Variants in GRID1 observed in about 807,000 individuals in gnomAD.
The protein encoded by GRID1 is glutamate receptor ionotropic, delta-1.
In GRID1, 28 loss-of-function variants were observed where a neutral mutation model predicts 98.0. That is an observed-to-expected ratio of 0.29 (90% CI 0.21 to 0.39). The LOEUF is 0.39. Ranked by LOEUF, GRID1 falls within the 10% of genes least tolerant of loss-of-function variation. The pLI is 1.00. For missense variants in GRID1, 1,111 were observed against 1,340.5 expected (o/e 0.83, Z 2.67); for synonymous variants, 553 against 538.5 (o/e 1.03, Z -0.37).
At chr10:85,655,668 T>C (rs762764458) in intron 12 of GRID1, among the ~76,000 whole-genome samples, 5 of 152,180 alleles carry the variant, frequency 3.3e-5, no homozygotes, top group Non-Finnish European at 7.3e-5. Context: ...CCTCCCACGC[T>C]CTCAGATGAC....
At chr10:85,893,521 A>T (rs1841236071) in intron 5 of GRID1, among the ~76,000 whole-genome samples, 1 of 152,206 alleles carries the variant, frequency 6.6e-6, no homozygotes, top group Non-Finnish European at 1.5e-5. Flanking sequence ...AGAACTAAGA[A>T]GTGAATTTAG....
At chr10:86,263,423 C>T (rs117188727) in intron 2 of GRID1, among the ~76,000 whole-genome samples, 1 of 152,176 alleles carries the variant, frequency 6.6e-6, no homozygotes, top group East Asian at 1.9e-4. Context: ...CCAGGCCCAA[C>T]GGGACGGTTC....
intron 4 of GRID1, among the ~76,000 whole-genome samples, chr10:85,981,374 G>A (rs1172992527): frequency 1.3e-5 from 2 of 152,182 alleles, no homozygotes; most frequent in Admixed American, 6.5e-5. Flanking sequence ...AAAAGCCTTC[G>A]CAGATCATCA....
chr10:86,151,457 C>T (rs1308973645), intron 3 of GRID1, among the ~76,000 whole-genome samples: 2 of 151,834 alleles, frequency 1.3e-5, no homozygotes, highest in East Asian at 1.9e-4. Context: ...TATCTAGTGG[C>T]CACCGCAGGC....
chr10:85,840,766 G>T (rs148800381), intron 8 of GRID1, among the ~76,000 whole-genome samples: 1 of 151,894 alleles, frequency 6.6e-6, no homozygotes, highest in African/African-American at 2.4e-5. Context: ...AAATACCAAG[G>T]AATACAGCTA....
chr10:85,859,090 C>T (rs1843140344), intron 6 of GRID1, among the ~76,000 whole-genome samples: 3 of 152,142 alleles, frequency 2.0e-5, no homozygotes, highest in African/African-American at 7.2e-5. Flanking sequence ...GCAGGCCTTC[C>T]CAATGCCCAC....
At chr10:86,345,049 G>A (rs754732446) in intron 2 of GRID1, among the ~76,000 whole-genome samples, 3 of 152,016 alleles carry the variant, frequency 2.0e-5, no homozygotes, top group Non-Finnish European at 2.9e-5. Flanking sequence ...AGTGGCCCAC[G>A]GCAGTGACCA....
chr10:85,711,407 T>C (rs565544553), intron 12 of GRID1, among the ~76,000 whole-genome samples: 18 of 152,056 alleles, frequency 1.2e-4, no homozygotes, highest in Middle Eastern at 3.4e-3. Context: ...ATGCTATTAA[T>C]ATGAGGTACC....
At chr10:86,132,857 C>A (rs1243385357) in intron 4 of GRID1, among the ~76,000 whole-genome samples, 1 of 152,234 alleles carries the variant, frequency 6.6e-6, no homozygotes, top group Non-Finnish European at 1.5e-5. Flanking sequence ...TCCAGGCACA[C>A]TCCATGCCTG....
chr10:86,120,510 G>A (rs1405688724), intron 4 of GRID1, among the ~76,000 whole-genome samples: 1 of 152,180 alleles, frequency 6.6e-6, no homozygotes, highest in Non-Finnish European at 1.5e-5. Flanking sequence ...TTCAATAAAT[G>A]TTTATTTAAT....
chr10:85,670,882 T>A (rs542849345), intron 12 of GRID1, among the ~76,000 whole-genome samples: 1 of 152,314 alleles, frequency 6.6e-6, no homozygotes, highest in African/African-American at 2.4e-5. Flanking sequence ...GGTTTGCCAC[T>A]CCTCCCTTAA....
chr10:85,724,539 G>C lies in GRID1; in HGVS notation c.1671C>G (p.Leu557=). Residue 557 remains leucine (L), a synonymous_variant, in exon 11 of 16, where the codon CTC becomes CTG. Transcript: ENST00000327946. ...ACACAGCGAAATCAAATGGAGCAAA[G>C]AGGGAGAAGATGCTGATTTTCTCCT... is the stretch of plus-strand genomic sequence containing the variant. ...KPEEKISIFS[L]FAPFDFAVWA... 1.2e-6 allele frequency: 2 copies of C among 1,613,886 alleles called. No homozygotes were observed. The highest frequency in any genetic ancestry group is 2.2e-5 in the South Asian group (2 of 91,080).
At chr10:85,777,099 T>C (rs1344192591) in intron 8 of GRID1, among the ~76,000 whole-genome samples, 4 of 152,212 alleles carry the variant, frequency 2.6e-5, no homozygotes, top group African/African-American at 9.6e-5. Flanking sequence ...CACCTTCCTC[T>C]CTAATTCTCC....
chr10:86,005,847 TG>T (rs1193914571), intron 4 of GRID1, among the ~76,000 whole-genome samples: 18 of 152,332 alleles, frequency 1.2e-4, no homozygotes, highest in African/African-American at 4.3e-4. Context: ...ATCTGGTCTC[TG>T]AAACACTTAA....
chr10:86,366,432 G>T lies in GRID1; in HGVS notation c.-40C>A, dbSNP rs759973224. The T allele has an allele frequency of 2.1e-6, 3 of 1,411,966 alleles. No individual in the cohort carries two copies. Among genetic ancestry groups the T allele is most frequent in the Non-Finnish European group, 2.8e-6 (3 of 1,057,386 alleles). The allele number at this position is 1,411,966 out of a possible 1,614,324, so 87.5% of individuals were successfully genotyped here. A position where few individuals can be genotyped will look rare whatever the true frequency, so the allele number is the denominator to read the frequency against. On this transcript the variant is annotated 5_prime_UTR_variant, in exon 1 of 16. Coordinates refer to ENST00000327946, the MANE Select transcript of GRID1 (RefSeq NM_017551.3). This position sits in a 1 kb window ranked among gnomAD's most constrained non-coding sequence, Gnocchi z 4.1. ...CGGCTCATCCACCCGGGCCCGGGGC[G>T]AGGCCGAGGGCAGCGCGAAGCGGGG...
chr10:86,158,619 T>A (rs1206104811), intron 3 of GRID1, among the ~76,000 whole-genome samples: 1 of 152,070 alleles, frequency 6.6e-6, no homozygotes, highest in Non-Finnish European at 1.5e-5. Flanking sequence ...AAAGAGGCAA[T>A]CTGGGAGGCC....
At chr10:85,959,737 C>A (rs1415341627) in intron 4 of GRID1, among the ~76,000 whole-genome samples, 1 of 152,172 alleles carries the variant, frequency 6.6e-6, no homozygotes, top group Non-Finnish European at 1.5e-5. Flanking sequence ...TGTCTAATTT[C>A]TATTACTGAG....
chr10:85,606,916 AG>A (rs760660098), intron 15 of GRID1: 12 of 152,352 alleles, frequency 7.9e-5, no homozygotes, highest in Non-Finnish European at 1.5e-4. Context: ...GTATTCGGCC[AG>A]GTAATGACAG....
chr10:86,120,147 G>A (rs1482350827), intron 4 of GRID1, among the ~76,000 whole-genome samples: 1 of 152,104 alleles, frequency 6.6e-6, no homozygotes, highest in Admixed American at 6.6e-5. Flanking sequence ...ATGGCATATA[G>A]AGTCCTTCCC....
Sources: gnomAD v4.1 joint callset for allele counts (sites outside exome capture counted in the v4.1 genomes callset) on GRCh38, gnomAD v4.1.1 for gene constraint, Gnocchi (gnomAD v3.1) non-coding constraint, MANE v1.5 for transcripts, NCBI Gene and HGNC (gene_info 2026-07-23, HGNC 2026-07-21) for gene names.